The following BAZ2B variants were observed in gnomAD, a reference collection of about 807,000 sequenced individuals.
BAZ2B encodes bromodomain adjacent to zinc finger domain 2B, also known as bromodomain adjacent to zinc finger domain protein 2B.
BAZ2B carries 91 observed loss-of-function variants against 246.0 expected under a neutral mutation model. The observed-to-expected ratio is 0.37, with a 90% CI of 0.31 to 0.44. The LOEUF (loss-of-function observed/expected upper bound fraction) is 0.44, where lower values mean the gene tolerates loss of function less well. Ranked by LOEUF, BAZ2B falls within the 20% of genes least tolerant of loss-of-function variation. The pLI is 1.00. For synonymous variants in BAZ2B, 855 were observed against 860.0 expected (o/e 0.99, Z 0.10); for missense variants, 2,332 against 2,533.7 (o/e 0.92, Z 1.71).
At chr2:159,402,320 C>T (rs2065212677) in intron 16 of BAZ2B, among the ~76,000 whole-genome samples, 1 of 152,046 alleles carries the variant, frequency 6.6e-6, no homozygotes, top group Non-Finnish European at 1.5e-5. Flanking sequence ...TGTGGTGGTG[C>T]ATGCCTATAA....
chr2:159,380,166 C>T (rs1331190028), intron 25 of BAZ2B, among the ~76,000 whole-genome samples: 1 of 150,748 alleles, frequency 6.6e-6, no homozygotes, highest in Non-Finnish European at 1.5e-5. Context: ...ATCCCCTTCT[C>T]TCATTTTATT....
the BAZ2B span, among the ~76,000 whole-genome samples, chr2:159,640,234 A>G: frequency 6.6e-6 from 1 of 152,158 alleles, no homozygotes; most frequent in Admixed American, 6.5e-5. Flanking sequence ...AGAGAGAGAT[A>G]GATTCCAATA....
chr2:159,479,280 CTT>C (rs1357010366), intron 2 of BAZ2B, among the ~76,000 whole-genome samples: 2 of 152,056 alleles, frequency 1.3e-5, no homozygotes, highest in African/African-American at 2.4e-5. Flanking sequence ...TCAAAATGGC[CTT>C]AGTTGTGACC....
At position 159,461,243 on chromosome 2, in the gene BAZ2B, T is replaced by C. The variant is rs1340438976; in HGVS notation, c.146-7442A>G. 2.0e-5 allele frequency: 3 copies of C among 152,454 alleles called. No individual in the cohort carries two copies. In the East Asian group the frequency reaches 5.8e-4, roughly 29 times the overall value. The allele number at this position is 152,454 out of a possible 1,614,324, so 9.4% of individuals were successfully genotyped here. A position where few individuals can be genotyped will look rare whatever the true frequency, so the allele number is the denominator to read the frequency against. On this transcript the variant is annotated intron_variant, in intron 3 of 36. Transcript: ENST00000392783. ...TAGAACTGTAAGCAATGTAAATGAA[T>C]CCACCATTACCAGTTGTTATATTAT...
intron 2 of BAZ2B, among the ~76,000 whole-genome samples, chr2:159,552,597 G>C (rs1255030869): frequency 1.3e-5 from 2 of 152,176 alleles, no homozygotes; most frequent in Non-Finnish European, 2.9e-5. Flanking sequence ...GTTAGTACTT[G>C]AACTCTATAG....
At chr2:159,415,523 T>C (rs1385194890) in intron 13 of BAZ2B, among the ~76,000 whole-genome samples, 1 of 151,982 alleles carries the variant, frequency 6.6e-6, no homozygotes, top group Non-Finnish European at 1.5e-5. Context: ...TACACTGTTA[T>C]ATTACCTTAT....
At chr2:159,344,194 G>A (rs1433734681) in intron 31 of BAZ2B, among the ~76,000 whole-genome samples, 2 of 152,000 alleles carry the variant, frequency 1.3e-5, no homozygotes, top group Non-Finnish European at 2.9e-5. Flanking sequence ...ATATGATCCA[G>A]CAATCCTACT....
At chr2:159,641,811 G>A in the BAZ2B span, among the ~76,000 whole-genome samples, 1 of 151,924 alleles carries the variant, frequency 6.6e-6, no homozygotes, top group Non-Finnish European at 1.5e-5. Context: ...TTCTTATTTT[G>A]AAATTATAAA....
intron 14 of BAZ2B, among the ~76,000 whole-genome samples, chr2:159,409,877 T>C (rs2066551832): frequency 6.6e-6 from 1 of 152,162 alleles, no homozygotes; most frequent in South Asian, 2.1e-4. Flanking sequence ...CAAAATGCAA[T>C]CCAATGTATT....
At chr2:159,669,483 AT>A in the BAZ2B span, among the ~76,000 whole-genome samples, 33 of 150,202 alleles carry the variant, frequency 2.2e-4, no homozygotes, top group East Asian at 5.8e-4. Context: ...GTCTTTATAG[AT>A]TTTTTTTTTA....
At chr2:159,626,406 A>G in the BAZ2B span, among the ~76,000 whole-genome samples, 1 of 152,174 alleles carries the variant, frequency 6.6e-6, no homozygotes, top group Non-Finnish European at 1.5e-5. Context: ...CTTATTCTAA[A>G]ATTGACCACA....
the BAZ2B span, among the ~76,000 whole-genome samples, chr2:159,674,933 T>G: frequency 6.6e-6 from 1 of 152,222 alleles, no homozygotes; most frequent in Non-Finnish European, 1.5e-5. Context: ...GTCTATTGTT[T>G]GTAATAACAT....
intron 17 of BAZ2B, among the ~76,000 whole-genome samples, chr2:159,399,946 T>C (rs1390203114): frequency 6.6e-6 from 1 of 152,264 alleles, no homozygotes; most frequent in Non-Finnish European, 1.5e-5. Flanking sequence ...TCAGTTATAC[T>C]GCACAGCTCC....
intron 12 of BAZ2B, 112 bp downstream of exon 12, chr2:159,428,199 A>G: frequency 8.9e-7 from 1 of 1,120,362 alleles, no homozygotes; most frequent in South Asian, 1.5e-5. Flanking sequence ...GTCCCATACA[A>G]GAGAATATTT....
chr2:159,681,053 C>T, the BAZ2B span, among the ~76,000 whole-genome samples: 3 of 152,060 alleles, frequency 2.0e-5, no homozygotes, highest in South Asian at 2.1e-4. Flanking sequence ...AAGGAGAAAG[C>T]GGGGGGAAAA....
At chr2:159,588,898 T>C (rs1049175148) in intron 1 of BAZ2B, among the ~76,000 whole-genome samples, 3 of 152,184 alleles carry the variant, frequency 2.0e-5, no homozygotes, top group Non-Finnish European at 4.4e-5. Context: ...ACATTTTATA[T>C]AGTCAGCCAC....
chr2:159,677,448 G>A, the BAZ2B span, among the ~76,000 whole-genome samples: 1 of 151,922 alleles, frequency 6.6e-6, no homozygotes, highest in Non-Finnish European at 1.5e-5. Context: ...ATTAATATAA[G>A]TTTTTACAGT....
intron 2 of BAZ2B, among the ~76,000 whole-genome samples, chr2:159,544,609 G>T (rs1375062165): frequency 1.3e-5 from 2 of 152,182 alleles, no homozygotes; most frequent in African/African-American, 4.8e-5. Flanking sequence ...GCAAATGGAG[G>T]TTCTGCAATT....
the BAZ2B span, among the ~76,000 whole-genome samples, chr2:159,636,031 T>C: frequency 2.0e-5 from 3 of 152,052 alleles, no homozygotes; most frequent in Non-Finnish European, 2.9e-5. Context: ...CACTCCAGCA[T>C]AGGTGACAGA....
Sources: gnomAD v4.1 joint callset for allele counts (sites outside exome capture counted in the v4.1 genomes callset) on GRCh38, gnomAD v4.1.1 for gene constraint, MANE v1.5 for transcripts, NCBI Gene and HGNC (gene_info 2026-07-23, HGNC 2026-07-21) for gene names.